ASAP1: variants seen among roughly 807,000 people sequenced by gnomAD.
ASAP1 encodes the protein ArfGAP with SH3 domain, ankyrin repeat and PH domain 1.
In ASAP1, 43 loss-of-function variants were observed where a neutral mutation model predicts 145.2. That is an observed-to-expected ratio of 0.30 (90% CI 0.23 to 0.38). The LOEUF (loss-of-function observed/expected upper bound fraction) is 0.38, where lower values mean the gene tolerates loss of function less well. Among genes scored for constraint, ASAP1 ranks in the 10% least tolerant of loss-of-function variants. The probability of loss-of-function intolerance (pLI) is 1.00; values close to 1 mark genes in which losing one functional copy is unlikely to be tolerated. For synonymous variants in ASAP1, 546 were observed against 515.5 expected, an observed-to-expected ratio of 1.06 and a Z score of -0.80; for missense variants, 1,018 against 1,355.3, an observed-to-expected ratio of 0.75 and a Z score of 3.91.
At chr8:130,261,718 G>C (rs1819909517) in intron 3 of ASAP1, among the ~76,000 whole-genome samples, 1 of 152,126 alleles carries the variant, frequency 6.6e-6, no homozygotes, top group African/African-American at 2.4e-5. Flanking sequence ...ATACAATCTT[G>C]AGAGTTCATG....
chr8:130,401,979 G>A lies in ASAP1; in HGVS notation c.-27-9C>T. ...TCACATCAGAAAACGACCTGGATAG[G>A]GGGCAGGACAAAAAGGGGACAAGAG... is the stretch of plus-strand genomic sequence containing the variant. On this transcript the variant is annotated splice_polypyrimidine_tract_variant and intron_variant, in intron 1 of 29. Transcript: ENST00000518721. 3 of 1,591,378 alleles carry A rather than the reference G, an allele frequency of 1.9e-6. No individual in the cohort carries two copies. Among genetic ancestry groups the A allele is most frequent in the Admixed American group, 3.4e-5 (2 of 59,014 alleles).
chr8:130,100,314 TTTTC>T (rs112085116), intron 24 of ASAP1, among the ~76,000 whole-genome samples: 1,602 of 151,516 alleles, frequency 0.011, 24 homozygotes, highest in African/African-American at 0.034. Context: ...ATATGTCGTG[TTTTC>T]TTTCTTTCTT....
At chr8:130,384,358 T>C (rs955282429) in intron 2 of ASAP1, among the ~76,000 whole-genome samples, 1 of 152,228 alleles carries the variant, frequency 6.6e-6, no homozygotes, top group African/African-American at 2.4e-5. Context: ...CTGGTCTGCA[T>C]ACAAGCATCC....
chr8:130,074,713 T>A (rs542649262), intron 27 of ASAP1, among the ~76,000 whole-genome samples: 1 of 152,172 alleles, frequency 6.6e-6, no homozygotes, highest in Middle Eastern at 3.2e-3. Flanking sequence ...GGTGGACTCC[T>A]GTGCTGACTC....
chr8:130,058,294 G>A (rs1254204758), intron 28 of ASAP1, among the ~76,000 whole-genome samples: 4 of 152,110 alleles, frequency 2.6e-5, no homozygotes, highest in African/African-American at 9.7e-5. Flanking sequence ...CATCAGGGTG[G>A]CCCTGCATTG....
intron 18 of ASAP1, 149 bp downstream of exon 18, chr8:130,123,864 G>A (rs2135708105): frequency 1.2e-5 from 7 of 583,984 alleles, no homozygotes; most frequent in South Asian, 2.0e-5. Flanking sequence ...TCCTGACCTC[G>A]TGATCCGTTT....
At chr8:130,367,558 T>C (rs1007188242) in intron 2 of ASAP1, among the ~76,000 whole-genome samples, 3 of 152,206 alleles carry the variant, frequency 2.0e-5, no homozygotes, top group African/African-American at 4.8e-5. Context: ...GTAGGCTCCT[T>C]TTCCTCAGCC....
intron 13 of ASAP1, chr8:130,152,520 T>C (rs1467590438): frequency 2.6e-6 from 1 of 379,694 alleles, no homozygotes; most frequent in Non-Finnish European, 4.7e-6. Flanking sequence ...GTATTCATTT[T>C]GAGAGAGCAA....
intron 12 of ASAP1, among the ~76,000 whole-genome samples, chr8:130,158,081 C>A (rs2097661450): frequency 6.6e-6 from 1 of 151,950 alleles, no homozygotes; most frequent in South Asian, 2.1e-4. Flanking sequence ...CAGTCAATGA[C>A]CCCAGAAATT....
chr8:130,177,309 G>A (rs569156521), intron 9 of ASAP1, among the ~76,000 whole-genome samples: 4 of 152,222 alleles, frequency 2.6e-5, no homozygotes, highest in Non-Finnish European at 4.4e-5. Flanking sequence ...TCTTGTTTGT[G>A]TAGGCCAAAC....
intron 3 of ASAP1, among the ~76,000 whole-genome samples, chr8:130,247,918 T>C (rs2670888): frequency 0.3 from 45,105 of 152,014 alleles, 6,744 homozygotes; most frequent in Admixed American, 0.31. Flanking sequence ...TGTACCTGCA[T>C]ACAGAAAATA....
chr8:130,228,881 T>C (rs1432853024), intron 4 of ASAP1, among the ~76,000 whole-genome samples: 2 of 151,974 alleles, frequency 1.3e-5, no homozygotes, highest in Non-Finnish European at 2.9e-5. Context: ...ACTTTCACAA[T>C]GGGGAAAGAA....
intron 3 of ASAP1, among the ~76,000 whole-genome samples, chr8:130,332,850 GT>G (rs1824783987): frequency 6.6e-6 from 1 of 151,012 alleles, no homozygotes; most frequent in South Asian, 2.1e-4. Context: ...TTTTATTTTT[GT>G]AAAAAAAATT....
intron 2 of ASAP1, among the ~76,000 whole-genome samples, chr8:130,366,479 T>C (rs1430678370): frequency 1.3e-5 from 2 of 152,210 alleles, no homozygotes; most frequent in African/African-American, 2.4e-5. Context: ...TTGGTCATTT[T>C]CAGAGATGAG....
chr8:130,394,478 C>CTAA (rs971134781), intron 2 of ASAP1, among the ~76,000 whole-genome samples: 3 of 152,184 alleles, frequency 2.0e-5, no homozygotes, highest in African/African-American at 7.2e-5. Flanking sequence ...GTGCCCAAAA[C>CTAA]TTTATTAGCA....
intron 3 of ASAP1, among the ~76,000 whole-genome samples, chr8:130,309,068 T>G (rs1174940492): frequency 6.6e-6 from 1 of 152,156 alleles, no homozygotes; most frequent in Non-Finnish European, 1.5e-5. Context: ...AGGGTAGCCT[T>G]AGATTTTCAG....
At chr8:130,285,081 C>T (rs1821524122) in intron 3 of ASAP1, among the ~76,000 whole-genome samples, 1 of 152,136 alleles carries the variant, frequency 6.6e-6, no homozygotes, top group Admixed American at 6.6e-5. Flanking sequence ...TAATTTGAGT[C>T]TTCCTTGACA....
At chr8:130,160,877 T>C in intron 11 of ASAP1, 4 of 1,059,870 alleles carry the variant, frequency 3.8e-6, no homozygotes, top group Non-Finnish European at 5.1e-6. Flanking sequence ...ATGTTATCCA[T>C]AATTTAAGCA....
intron 1 of ASAP1, among the ~76,000 whole-genome samples, chr8:130,437,702 A>G (rs1468655087): frequency 1.3e-5 from 2 of 152,242 alleles, no homozygotes; most frequent in Non-Finnish European, 2.9e-5. Context: ...CCAAAAATTC[A>G]TGATTGGTTT....
Sources: allele counts gnomAD v4.1 joint callset (sites outside exome capture counted in the v4.1 genomes callset), GRCh38; gene constraint gnomAD v4.1.1; transcripts MANE v1.5; gene names NCBI Gene and HGNC (gene_info 2026-07-23, HGNC 2026-07-21).